PPP2R5E: variants seen among roughly 807,000 people sequenced by gnomAD.
PPP2R5E encodes serine/threonine-protein phosphatase 2A 56 kDa regulatory subunit epsilon isoform.
In PPP2R5E, 4 loss-of-function variants were observed where a neutral mutation model predicts 65.3. That is an observed-to-expected ratio of 0.06 (90% confidence interval 0.03 to 0.14). The LOEUF is 0.14. Ranked by LOEUF, PPP2R5E falls within the 10% of genes least tolerant of loss-of-function variation. The pLI, the probability that PPP2R5E is intolerant of heterozygous loss-of-function variation, is 1.00. For synonymous variants in PPP2R5E, 183 were observed against 187.4 expected, an observed-to-expected ratio of 0.98 and a Z score of 0.19; for missense variants, 274 against 556.1, an observed-to-expected ratio of 0.49 and a Z score of 5.10.
intron 2 of PPP2R5E, among the ~76,000 whole-genome samples, chr14:63,483,265 C>A (rs1025350795): frequency 6.6e-6 from 1 of 152,018 alleles, no homozygotes; most frequent in Admixed American, 6.6e-5. Context: ...CAGTTTTAAA[C>A]AGAATGCACT....
chr14:63,519,414 G>A (rs111475190), intron 2 of PPP2R5E, among the ~76,000 whole-genome samples: 5 of 149,224 alleles, frequency 3.4e-5, no homozygotes, highest in African/African-American at 4.9e-5. Flanking sequence ...GCAGTGGTAC[G>A]ATCTCTGCTC....
At chr14:63,475,465 A>T (rs1890362918) in intron 2 of PPP2R5E, among the ~76,000 whole-genome samples, 1 of 152,246 alleles carries the variant, frequency 6.6e-6, no homozygotes, top group Non-Finnish European at 1.5e-5. Flanking sequence ...ACCAATGAAC[A>T]CTTTTAGTGA....
intron 11 of PPP2R5E, among the ~76,000 whole-genome samples, chr14:63,386,919 A>G (rs1231085457): frequency 7.4e-6 from 1 of 134,626 alleles, no homozygotes; most frequent in African/African-American, 3.2e-5. Context: ...GCAAGACTCC[A>G]TCTCAAAAAA....
In PPP2R5E at chr14:63,371,789, C is replaced by A. The variant is rs1395931296; in HGVS notation, c.*4220G>T. The A allele has an allele frequency of 6.6e-6, 1 of 152,126 alleles. No homozygotes were observed. The highest frequency in any genetic ancestry group is 1.5e-5 in the Non-Finnish European group (1 of 68,014). 9.4% of individuals were successfully genotyped at this position (152,126 alleles called of 1,614,324 possible). A position where few individuals can be genotyped will look rare whatever the true frequency, so the allele number is the denominator to read the frequency against. ...AAACCGATCATGAACCACAGCATTA[C>A]TAACAGGGAAAATGAACTTTTGCTG... On this transcript the variant is annotated 3_prime_UTR_variant, in exon 14 of 14. Coordinates refer to ENST00000337537, the MANE Select transcript of PPP2R5E (RefSeq NM_006246.5).
chr14:63,440,501 T>C (rs1888169401), intron 3 of PPP2R5E, among the ~76,000 whole-genome samples: 1 of 151,968 alleles, frequency 6.6e-6, no homozygotes, highest in South Asian at 2.1e-4. Context: ...GGGAAGGGCT[T>C]AAATCAAAGG....
chr14:63,434,941 A>G (rs773451985), intron 3 of PPP2R5E, among the ~76,000 whole-genome samples: 1 of 152,262 alleles, frequency 6.6e-6, no homozygotes, highest in Non-Finnish European at 1.5e-5. Flanking sequence ...AAATCAGTTA[A>G]GTAAACAATG....
chr14:63,455,531 T>C (rs1283245862), intron 2 of PPP2R5E, among the ~76,000 whole-genome samples: 1 of 152,206 alleles, frequency 6.6e-6, no homozygotes, highest in Non-Finnish European at 1.5e-5. Flanking sequence ...CTTGCAGTCA[T>C]GATATAGGTC....
chr14:63,388,439 G>A (rs546958740), intron 11 of PPP2R5E, among the ~76,000 whole-genome samples: 302 of 151,852 alleles, frequency 2.0e-3, no homozygotes, highest in African/African-American at 6.9e-3. Flanking sequence ...GCGCCCAGCC[G>A]ATGATGCTCA....
At chr14:63,435,493 G>A (rs1170093463) in intron 3 of PPP2R5E, among the ~76,000 whole-genome samples, 4 of 152,106 alleles carry the variant, frequency 2.6e-5, no homozygotes. Flanking sequence ...ATATCTGCCA[G>A]CCTAATCTTC....
chr14:63,443,168 A>G (rs1325718341), intron 3 of PPP2R5E, among the ~76,000 whole-genome samples: 1 of 152,224 alleles, frequency 6.6e-6, no homozygotes, highest in Admixed American at 6.5e-5. Context: ...TGAGAGTAGG[A>G]AAAAACAAAG....
At chr14:63,531,754 G>A (rs1282848562) in intron 2 of PPP2R5E, among the ~76,000 whole-genome samples, 7 of 152,000 alleles carry the variant, frequency 4.6e-5, no homozygotes, top group Admixed American at 4.6e-4. Context: ...AAGAGTTCAA[G>A]ACCAGCCTGA....
chr14:63,530,813 C>T (rs1893396633), intron 2 of PPP2R5E, among the ~76,000 whole-genome samples: 1 of 151,516 alleles, frequency 6.6e-6, no homozygotes, highest in South Asian at 2.1e-4. Flanking sequence ...GATGGGGTTT[C>T]ACCATGTTGG....
chr14:63,420,823 CG>C lies in PPP2R5E; in HGVS notation c.456+1169del, dbSNP rs577985137. ...ATCCCAGCACTTTGGGAGGCCGAGG[CG>C]GGCGGATCACGAGGTCAAGAGATCG... is the stretch of plus-strand genomic sequence containing the variant. On this transcript the variant is annotated intron_variant, in intron 4 of 13. Coordinates refer to ENST00000337537, the MANE Select transcript of PPP2R5E (RefSeq NM_006246.5). 2.0e-5 allele frequency among the ~76,000 whole-genome samples: 2 copies of C among 100,804 alleles called. 1 individual carries two copies. The highest frequency in any genetic ancestry group is 5.4e-4 in the South Asian group (2 of 3,690). The allele number at this position is 100,804 out of a possible 152,430, so 66.1% of individuals were successfully genotyped here. A position where few individuals can be genotyped will look rare whatever the true frequency, so the allele number is the denominator to read the frequency against.
intron 2 of PPP2R5E, among the ~76,000 whole-genome samples, chr14:63,479,605 G>A (rs1313420565): frequency 7.2e-5 from 11 of 152,300 alleles, no homozygotes; most frequent in Non-Finnish European, 1.5e-5. Flanking sequence ...AAGGTAAGAA[G>A]TGGCTGCCTG....
chr14:63,422,729 TAAAAA>T (rs567590182), intron 3 of PPP2R5E, among the ~76,000 whole-genome samples: 4 of 88,196 alleles, frequency 4.5e-5, no homozygotes, highest in African/African-American at 1.2e-4. Context: ...TCCGTCTATT[TAAAAA>T]AAAAAAAAAA....
intron 2 of PPP2R5E, among the ~76,000 whole-genome samples, chr14:63,525,640 A>G (rs1893158105): frequency 6.6e-6 from 1 of 152,214 alleles, no homozygotes; most frequent in Admixed American, 6.5e-5. Context: ...GTCTGCACAG[A>G]GACACAAAAT....
chr14:63,462,702 TTAGAC>T (rs1431891808), intron 2 of PPP2R5E, among the ~76,000 whole-genome samples: 1 of 152,160 alleles, frequency 6.6e-6, no homozygotes, highest in Non-Finnish European at 1.5e-5. Flanking sequence ...AGAAATAAAA[TTAGAC>T]TAAAGAATAG....
At chr14:63,461,566 TG>T (rs1023982413) in intron 2 of PPP2R5E, among the ~76,000 whole-genome samples, 1 of 149,930 alleles carries the variant, frequency 6.7e-6, no homozygotes, top group Non-Finnish European at 1.5e-5. Context: ...GAGGCCAAGG[TG>T]GGAGGATCGT....
chr14:63,509,629 C>T (rs1404973945), intron 2 of PPP2R5E, among the ~76,000 whole-genome samples: 1 of 152,150 alleles, frequency 6.6e-6, no homozygotes, highest in Non-Finnish European at 1.5e-5. Context: ...ACTGCCCCTC[C>T]TCCTACTCAT....
Sources: gnomAD v4.1 joint callset for allele counts (sites outside exome capture counted in the v4.1 genomes callset) on GRCh38, gnomAD v4.1.1 for gene constraint, MANE v1.5 for transcripts, NCBI Gene and HGNC (gene_info 2026-07-23, HGNC 2026-07-21) for gene names.